MTUS1: variants seen among roughly 807,000 people sequenced by gnomAD.
The protein encoded by MTUS1 is microtubule associated scaffold protein 1, also known as microtubule-associated tumor suppressor 1.
MTUS1 carries 109 observed loss-of-function variants against 120.8 expected under a neutral mutation model. The ratio of observed to expected loss-of-function variants is 0.90; its 90% CI spans 0.77 to 1.06. The LOEUF is 1.06. Among genes scored for constraint, MTUS1 ranks in the 50% least tolerant of loss-of-function variants. The pLI is 0.00. For missense variants in MTUS1, 2,210 were observed against 1,486.3 expected, an observed-to-expected ratio of 1.49 and a Z score of -8.01; for synonymous variants, 737 against 550.5, an observed-to-expected ratio of 1.34 and a Z score of -4.74.
intron 3 of MTUS1, among the ~76,000 whole-genome samples, chr8:17,738,563 T>C (rs1332662972): frequency 1.3e-5 from 2 of 152,204 alleles, no homozygotes; most frequent in Non-Finnish European, 2.9e-5. Flanking sequence ...ATTATTACTG[T>C]ATTTTTTATT....
At chr8:17,768,760 G>C (rs1392550096) in intron 1 of MTUS1, among the ~76,000 whole-genome samples, 1 of 152,092 alleles carries the variant, frequency 6.6e-6, no homozygotes, top group Admixed American at 6.6e-5. Flanking sequence ...AAGACCACCA[G>C]CAGAGAAGAG....
chr8:17,746,986 T>A (rs2131293021), intron 2 of MTUS1, among the ~76,000 whole-genome samples: 1 of 152,336 alleles, frequency 6.6e-6, no homozygotes, highest in South Asian at 2.1e-4. Flanking sequence ...TGCTGTCATT[T>A]CTCAGCAAGA....
intron 8 of MTUS1, among the ~76,000 whole-genome samples, chr8:17,657,396 GT>G (rs1362382755): frequency 6.6e-6 from 1 of 150,962 alleles, no homozygotes; most frequent in Non-Finnish European, 1.5e-5. Context: ...GTGAAACCCC[GT>G]CTCTACTAAA....
chr8:17,801,173 C>G (rs28377537), upstream of MTUS1, among the ~76,000 whole-genome samples: 2,794 of 151,672 alleles, frequency 0.018, 70 homozygotes, highest in African/African-American at 0.064. Flanking sequence ...TCGGGGGCGG[C>G]GTCTGCACCT....
At chr8:17,701,757 G>C (rs1359474058) in intron 6 of MTUS1, among the ~76,000 whole-genome samples, 1 of 152,112 alleles carries the variant, frequency 6.6e-6, no homozygotes, top group Non-Finnish European at 1.5e-5. Flanking sequence ...CACCGTGTTA[G>C]CCAGGATGGT....
chr8:17,686,239 G>A lies in MTUS1; in HGVS notation c.2624-1697C>T, dbSNP rs574732904. Among the ~76,000 whole-genome samples the A allele has an allele frequency of 1.7e-4, 26 of 152,332 alleles. No homozygotes were observed. In the South Asian group the frequency reaches 5.4e-3, roughly 32 times the overall value. ...CAAAGTCAGAACCCAGGCCTCTGAT[G>A]CTAAGCCTCTTCTGTTCCCACACAT... On this transcript the variant is annotated intron_variant, in intron 6 of 14. Coordinates refer to ENST00000693296, the MANE Select transcript of MTUS1 (RefSeq NM_001363059.2).
intron 1 of MTUS1, among the ~76,000 whole-genome samples, chr8:17,776,175 A>C (rs190108078): frequency 7.8e-4 from 119 of 152,282 alleles, no homozygotes; most frequent in African/African-American, 2.7e-3. Context: ...ATACACTATA[A>C]CATAACTAGT....
chr8:17,791,894 T>C (rs1271175850), intron 1 of MTUS1, among the ~76,000 whole-genome samples: 1 of 152,186 alleles, frequency 6.6e-6, no homozygotes, highest in African/African-American at 2.4e-5. Flanking sequence ...CCATTGATCA[T>C]TTTCTATATA....
chr8:17,788,905 G>C (rs2051531721), intron 1 of MTUS1, among the ~76,000 whole-genome samples: 1 of 152,140 alleles, frequency 6.6e-6, no homozygotes, highest in Admixed American at 6.5e-5. Context: ...TTTATACAAT[G>C]AGCTGTTTGT....
At chr8:17,778,753 G>T (rs1004595123) in intron 1 of MTUS1, among the ~76,000 whole-genome samples, 7 of 152,152 alleles carry the variant, frequency 4.6e-5, no homozygotes, top group African/African-American at 1.7e-4. Context: ...AGGTTGCAGT[G>T]AGCTGAGATA....
intron 2 of MTUS1, among the ~76,000 whole-genome samples, chr8:17,744,810 T>C (rs1489943139): frequency 1.3e-5 from 2 of 151,826 alleles, no homozygotes; most frequent in South Asian, 2.1e-4. Flanking sequence ...CCCAAAGGGC[T>C]GGGATTACAG....
At chr8:17,658,252 T>A (rs1808894728) in intron 8 of MTUS1, among the ~76,000 whole-genome samples, 2 of 152,168 alleles carry the variant, frequency 1.3e-5, no homozygotes, top group African/African-American at 2.4e-5. Flanking sequence ...GTCAGGCTGT[T>A]CTCTAACTCC....
intron 2 of MTUS1, among the ~76,000 whole-genome samples, chr8:17,751,687 G>C (rs942052554): frequency 6.6e-6 from 1 of 151,800 alleles, no homozygotes; most frequent in South Asian, 2.1e-4. Flanking sequence ...GTGAAACCTC[G>C]TCTCTACTAA....
intron 3 of MTUS1, among the ~76,000 whole-genome samples, chr8:17,724,767 T>C (rs1253884321): frequency 6.6e-6 from 1 of 152,168 alleles, no homozygotes; most frequent in Non-Finnish European, 1.5e-5. Flanking sequence ...TTTTCTCTAC[T>C]TTCCTCTAAC....
At chr8:17,744,638 T>A (rs545460251) in intron 2 of MTUS1, among the ~76,000 whole-genome samples, 37 of 137,496 alleles carry the variant, frequency 2.7e-4, no homozygotes, top group Middle Eastern at 3.9e-3. Context: ...AAGTTTTGTA[T>A]TTTTTTTTTG....
rs536623375 is a variant in MTUS1, at chr8:17,696,004, T to C, written c.2624-11462A>G. On this transcript the variant is annotated intron_variant, in intron 6 of 14. Coordinates refer to ENST00000693296, the MANE Select transcript of MTUS1 (RefSeq NM_001363059.2). ...TGGATTACAGTATTTTTAAAAGAAC[T>C]CTTTAAAATTAAAAGCTATTTGGAG... 4.6e-5 allele frequency among the ~76,000 whole-genome samples: 7 copies of C among 152,292 alleles called. No homozygotes were observed. In the South Asian group the frequency reaches 1.2e-3, roughly 27 times the overall value.
chr8:17,663,609 T>TGTTTTGTTTTGTTTTG (rs11463390), intron 8 of MTUS1, among the ~76,000 whole-genome samples: 111 of 151,402 alleles, frequency 7.3e-4, no homozygotes, highest in South Asian at 4.2e-3. Flanking sequence ...TGTTTTGTTT[T>TGTTTTGTTTTGTTTTG]TTTTGAGACA....
intron 6 of MTUS1, among the ~76,000 whole-genome samples, chr8:17,709,724 A>C (rs556306191): frequency 3.9e-5 from 6 of 152,012 alleles, no homozygotes; most frequent in Non-Finnish European, 7.4e-5. Context: ...ATATACCTTA[A>C]TTTGCCAGGC....
intron 1 of MTUS1, among the ~76,000 whole-genome samples, chr8:17,756,404 C>T (rs925934902): frequency 5.9e-5 from 9 of 152,058 alleles, no homozygotes; most frequent in Admixed American, 1.3e-4. Flanking sequence ...CTCAGAAGGG[C>T]CCCCCTATTA....
Sources: allele counts gnomAD v4.1 joint callset (sites outside exome capture counted in the v4.1 genomes callset), GRCh38; gene constraint gnomAD v4.1.1; transcripts MANE v1.5; gene names NCBI Gene and HGNC (gene_info 2026-07-23, HGNC 2026-07-21).